The following DOCK4 variants were observed in gnomAD, a reference collection of about 807,000 sequenced individuals.
The protein encoded by DOCK4 is dedicator of cytokinesis protein 4.
DOCK4 carries 97 observed loss-of-function variants against 268.1 expected under a neutral mutation model. The observed-to-expected ratio is 0.36, with a 90% CI of 0.31 to 0.43. The LOEUF (loss-of-function observed/expected upper bound fraction) is 0.43. Among genes scored for constraint, DOCK4 ranks in the 20% least tolerant of loss-of-function variants. DOCK4 has a pLI of 1.00. For synonymous variants in DOCK4, 954 were observed against 887.2 expected (o/e 1.08, Z -1.34); for missense variants, 2,145 against 2,455.7 (o/e 0.87, Z 2.67).
intron 16 of DOCK4, among the ~76,000 whole-genome samples, chr7:111,883,727 G>C (rs1357616355): frequency 6.6e-6 from 1 of 152,138 alleles, no homozygotes; most frequent in Non-Finnish European, 1.5e-5. Context: ...AAGGTGATGT[G>C]GTCAGGTCAG....
intron 23 of DOCK4, among the ~76,000 whole-genome samples, chr7:111,862,613 C>A (rs1805640085): frequency 6.6e-6 from 1 of 150,400 alleles, no homozygotes; most frequent in African/African-American, 2.4e-5. Context: ...GCCTCAGCCT[C>A]CCGAGTAGAT....
At chr7:111,791,614 AATTTTTGT>A (rs1321018708) in intron 30 of DOCK4, among the ~76,000 whole-genome samples, 12 of 151,872 alleles carry the variant, frequency 7.9e-5, no homozygotes, top group African/African-American at 2.7e-4. Flanking sequence ...ATGGCCAGCT[AATTTTTGT>A]ATTTTAGTAG....
chr7:111,732,909 C>G (rs900809611), intron 51 of DOCK4, among the ~76,000 whole-genome samples: 2 of 152,306 alleles, frequency 1.3e-5, no homozygotes, highest in East Asian at 3.9e-4. Context: ...ATCATCGTGG[C>G]CAAGAAGAGT....
rs1806191560 is a variant in DOCK4, at chr7:112,059,533, A to C, written c.38-55402T>G. On this transcript the variant is annotated intron_variant, in intron 1 of 52. Transcript: ENST00000428084. Reference sequence around the variant, plus strand: ...TCACCTGTCAAATCAAGGTATGATAATATTCATCCTATATTTCCCTCCATT... The same window carrying C: ...TCACCTGTCAAATCAAGGTATGATACTATTCATCCTATATTTCCCTCCATT... Among the ~76,000 whole-genome samples the C allele has an allele frequency of 5.9e-5, 9 of 152,314 alleles. 1 individual carries two copies. The South Asian group carries it at 1.9e-3, about 32-fold the overall frequency.
chr7:111,843,026 A>T (rs962843860), intron 25 of DOCK4, among the ~76,000 whole-genome samples: 2 of 152,246 alleles, frequency 1.3e-5, no homozygotes, highest in African/African-American at 4.8e-5. Context: ...CATCCTATCA[A>T]GAACTAAGAA....
intron 13 of DOCK4, among the ~76,000 whole-genome samples, chr7:111,911,622 T>C (rs1345617752): frequency 6.6e-6 from 1 of 152,216 alleles, no homozygotes; most frequent in Non-Finnish European, 1.5e-5. Context: ...GAAACGAGCC[T>C]TATTCCACAG....
chr7:112,180,825 C>T (rs1818962776), intron 1 of DOCK4, among the ~76,000 whole-genome samples: 1 of 152,132 alleles, frequency 6.6e-6, no homozygotes, highest in Non-Finnish European at 1.5e-5. Flanking sequence ...AAGTAGACTC[C>T]CAATTCATAA....
At chr7:111,855,345 C>T (rs1804913221) in intron 23 of DOCK4, among the ~76,000 whole-genome samples, 2 of 151,990 alleles carry the variant, frequency 1.3e-5, no homozygotes, top group Admixed American at 1.3e-4. Flanking sequence ...TGTGGAGAAG[C>T]TACAGAGGCA....
At position 111,735,106 on chromosome 7, in the gene DOCK4, C is replaced by A. The variant is rs139961687; in HGVS notation, c.5367G>T (p.Ser1789=). The part of the protein sequence containing the change: ...LDSGKEAKNM[S]DSGKLISPPV... ...GGGGAGAGATAAGTTTCCCACTATC[C>A]GACATGTTCTTGGCTTCCTTCCCAC... The change falls in exon 51 of 53, where the codon TCG becomes TCT. Residue 1789 remains serine, a synonymous_variant. Transcript: ENST00000428084. 2.5e-6 allele frequency: 4 copies of A among 1,602,456 alleles called. No homozygotes were observed. The highest frequency in any genetic ancestry group is 2.3e-5 in the South Asian group (2 of 88,342).
At chr7:111,911,018 G>A (rs929352609) in intron 13 of DOCK4, among the ~76,000 whole-genome samples, 3 of 152,178 alleles carry the variant, frequency 2.0e-5, no homozygotes, top group African/African-American at 4.8e-5. Flanking sequence ...TTCTGTGATC[G>A]AAAAGAGTTT....
chr7:111,750,315 AG>A (rs1052738198), intron 42 of DOCK4, among the ~76,000 whole-genome samples: 3 of 152,232 alleles, frequency 2.0e-5, no homozygotes, highest in African/African-American at 7.2e-5. Flanking sequence ...TCAAGTAAAC[AG>A]ACTAAAAGTA....
At chr7:111,989,323 CAA>C (rs1799317756) in intron 5 of DOCK4, among the ~76,000 whole-genome samples, 160 bp from the exon 6 acceptor site, 2 of 152,252 alleles carry the variant, frequency 1.3e-5, no homozygotes, top group African/African-American at 2.4e-5. Flanking sequence ...TCACTATCCT[CAA>C]ACACACTCGC....
At chr7:111,828,816 GAT>G (rs1397333897) in intron 26 of DOCK4, among the ~76,000 whole-genome samples, 12 of 150,994 alleles carry the variant, frequency 7.9e-5, no homozygotes, top group African/African-American at 2.9e-4. Flanking sequence ...ATATCTATGA[GAT>G]ATTATCATGT....
chr7:112,192,277 G>C (rs1820027128), intron 1 of DOCK4, among the ~76,000 whole-genome samples: 1 of 151,954 alleles, frequency 6.6e-6, no homozygotes, highest in African/African-American at 2.4e-5. Context: ...GGGGACAAGG[G>C]GGAGGGGAGG....
intron 1 of DOCK4, among the ~76,000 whole-genome samples, chr7:112,118,728 G>C (rs1421575767): frequency 6.6e-6 from 1 of 152,100 alleles, no homozygotes; most frequent in Non-Finnish European, 1.5e-5. Context: ...ATCTATGAAT[G>C]AAACAAGCCA....
chr7:112,099,739 G>A (rs1184177697), intron 1 of DOCK4, among the ~76,000 whole-genome samples: 1 of 152,162 alleles, frequency 6.6e-6, no homozygotes, highest in Non-Finnish European at 1.5e-5. Context: ...GAAAACAGAT[G>A]TAATTAGATA....
chr7:112,065,539 C>T (rs1806843868), intron 1 of DOCK4, among the ~76,000 whole-genome samples: 2 of 149,938 alleles, frequency 1.3e-5, no homozygotes. Context: ...AATCAGTGAA[C>T]TGGCTCTCCA....
At chr7:111,780,416 A>G (rs1798721017) in intron 35 of DOCK4, among the ~76,000 whole-genome samples, 2 of 152,222 alleles carry the variant, frequency 1.3e-5, no homozygotes, top group Admixed American at 6.5e-5. Context: ...TCATAAACAC[A>G]AGTCTAACAA....
intron 12 of DOCK4, among the ~76,000 whole-genome samples, chr7:111,931,306 C>G (rs572737623): frequency 5.3e-5 from 8 of 152,282 alleles, no homozygotes; most frequent in African/African-American, 1.9e-4. Flanking sequence ...TTTGCAAAGG[C>G]TACAACACGT....
Sources: allele counts gnomAD v4.1 joint callset (sites outside exome capture counted in the v4.1 genomes callset), GRCh38; gene constraint gnomAD v4.1.1; transcripts MANE v1.5; gene names NCBI Gene and HGNC (gene_info 2026-07-23, HGNC 2026-07-21).